Variants in DKK2 observed in about 807,000 individuals in gnomAD.
The protein encoded by DKK2 is dickkopf Wnt signaling pathway inhibitor 2.
In DKK2, 11 loss-of-function variants were observed where a neutral mutation model predicts 28.1. The ratio of observed to expected loss-of-function variants is 0.39; its 90% CI spans 0.25 to 0.65. DKK2 has a LOEUF of 0.65. DKK2 is among the 30% of genes least tolerant of loss of function. DKK2 has a pLI of 0.47. For synonymous variants in DKK2, 135 were observed against 126.5 expected (o/e 1.07, Z -0.45); for missense variants, 326 against 335.5 (o/e 0.97, Z 0.22).
chr4:106,958,122 T>G (rs1722628159), intron 1 of DKK2, among the ~76,000 whole-genome samples: 2 of 150,432 alleles, frequency 1.3e-5, no homozygotes, highest in African/African-American at 4.8e-5. Context: ...TGATAATATA[T>G]TTTAAAAGTA....
Position 106,938,283 on chromosome 4 carries a change from G to T in DKK2, c.223-12334C>A, listed in dbSNP as rs182531026. Among the ~76,000 whole-genome samples, 659 of 151,758 alleles carry T rather than the reference G, an allele frequency of 4.3e-3. 5 individuals carry two copies. Among genetic ancestry groups the T allele is most frequent in the African/African-American group, 0.015 (635 of 41,328 alleles). On this transcript the variant is annotated intron_variant, in intron 1 of 3. Transcript: ENST00000285311. ...TAGATGCAATAAAAAATGATAAAGG[G>T]GATATCACCACCGATCCAACAGAAA...
At chr4:106,937,184 G>C (rs1191259452) in intron 1 of DKK2, among the ~76,000 whole-genome samples, 1 of 149,148 alleles carries the variant, frequency 6.7e-6, no homozygotes, top group African/African-American at 2.5e-5. Flanking sequence ...ATTGGATAAA[G>C]AGTCAAAACC....
chr4:106,985,378 T>C (rs1723100904), intron 1 of DKK2, among the ~76,000 whole-genome samples: 2 of 152,154 alleles, frequency 1.3e-5, no homozygotes, highest in South Asian at 2.1e-4. Context: ...GTCAGTATCC[T>C]GGTTTTGATA....
Position 106,924,673 on chromosome 4 carries a change from A to G in DKK2, c.401T>C (p.Ile134Thr). 6.2e-7 allele frequency: 1 copy of G among 1,613,664 alleles called. No individual in the cohort carries two copies. Among genetic ancestry groups the G allele is most frequent in the Non-Finnish European group, 8.5e-7 (1 of 1,179,774 alleles). ...CAGAGCCGGGATGTGAGGGGTTAAG[A>G]TGCTTTCAGTAACTGGGATACAGAT... ...NGICIPVTES[I>T]LTPHIPALDG... is the part of the protein sequence containing the mutation. The change falls in exon 3 of 4, where the codon ATC becomes ACC. Residue 134 changes from isoleucine (I) to threonine (T), a missense_variant. Physicochemically the swap from Ile to Thr is moderately conservative, Grantham distance 89 (BLOSUM62 -1). Transcript: ENST00000285311.
chr4:107,020,261 T>C (rs1055082346), intron 1 of DKK2, among the ~76,000 whole-genome samples: 3 of 152,048 alleles, frequency 2.0e-5, no homozygotes, highest in Admixed American at 2.0e-4. Context: ...ACAATGAGAA[T>C]TTTTAAAAAG....
intron 1 of DKK2, among the ~76,000 whole-genome samples, chr4:106,996,736 T>G (rs376065332): frequency 1.6e-4 from 24 of 152,220 alleles, no homozygotes; most frequent in African/African-American, 5.1e-4. Flanking sequence ...AACCAGTAGA[T>G]TTATTTCCTG....
chr4:106,953,419 G>C (rs1722527229), intron 1 of DKK2, among the ~76,000 whole-genome samples: 1 of 152,076 alleles, frequency 6.6e-6, no homozygotes, highest in Non-Finnish European at 1.5e-5. Flanking sequence ...TACCTTCCCA[G>C]CAGTTCTGCT....
At chr4:106,930,625 T>C (rs1456012073) in intron 1 of DKK2, among the ~76,000 whole-genome samples, 1 of 152,228 alleles carries the variant, frequency 6.6e-6, no homozygotes, top group Non-Finnish European at 1.5e-5. Flanking sequence ...CCATCTGGAT[T>C]CTTGCAAGAC....
Position 107,035,748 on chromosome 4 carries a change from A to G in DKK2, c.-157T>C, listed in dbSNP as rs3733635. The G allele has an allele frequency of 0.099, 67,752 of 687,612 alleles. 4,114 individuals carry two copies. Among genetic ancestry groups the G allele is most frequent in the East Asian group, 0.18 (6,721 of 36,760 alleles). 42.6% of individuals were successfully genotyped at this position (687,612 alleles called of 1,614,324 possible). The stretch of plus-strand genomic sequence containing the variant: ...TGGTTCGGGGACCCAGGACCCTATG[A>G]ACTCAGTCTCACGCCTCAGGACAGA... On this transcript the variant is annotated 5_prime_UTR_variant, in exon 1 of 4. Transcript: ENST00000285311.
rs753785515 is a variant in DKK2, at chr4:106,924,535, A to C, written c.529+10T>G. On this transcript the variant is annotated intron_variant, in intron 3 of 3. Coordinates refer to ENST00000285311, the MANE Select transcript of DKK2 (RefSeq NM_014421.3). ...TTTTAAAAAAACCCCAGAACTACAG[A>C]TATCCCTACCTTTTATATGTGACAT... The C allele has an allele frequency of 1.2e-6, 2 of 1,611,900 alleles. No homozygotes were observed. Among genetic ancestry groups the C allele is most frequent in the Non-Finnish European group, 8.5e-7 (1 of 1,178,922 alleles).
intron 1 of DKK2, among the ~76,000 whole-genome samples, chr4:107,025,696 C>G (rs1405194042): frequency 1.3e-5 from 2 of 152,132 alleles, no homozygotes; most frequent in African/African-American, 2.4e-5. Context: ...AGTATCAGGA[C>G]TGAAAAAGTG....
chr4:106,952,178 G>T (rs1030915384), intron 1 of DKK2, among the ~76,000 whole-genome samples: 1 of 152,112 alleles, frequency 6.6e-6, no homozygotes, highest in Non-Finnish European at 1.5e-5. Context: ...TTGCTAAGCT[G>T]TTCTTTCCTA....
intron 1 of DKK2, among the ~76,000 whole-genome samples, chr4:106,962,534 T>TGTGTGA (rs1185311283): frequency 7.8e-6 from 1 of 128,528 alleles, no homozygotes; most frequent in East Asian, 2.1e-4. Context: ...TGTGTGTGTG[T>TGTGTGA]GTGTGTGTGT....
At chr4:106,933,228 C>T (rs1163385680) in intron 1 of DKK2, among the ~76,000 whole-genome samples, 1 of 152,170 alleles carries the variant, frequency 6.6e-6, no homozygotes, top group African/African-American at 2.4e-5. Flanking sequence ...CTGATGCCTC[C>T]TGCATATATA....
intron 1 of DKK2, among the ~76,000 whole-genome samples, chr4:107,019,617 T>C (rs1296466914): frequency 3.3e-5 from 5 of 152,082 alleles, no homozygotes; most frequent in Non-Finnish European, 7.4e-5. Flanking sequence ...TAGAGTAGTA[T>C]ACTGATACCA....
intron 1 of DKK2, among the ~76,000 whole-genome samples, chr4:106,971,632 T>C (rs1722869558): frequency 6.6e-6 from 1 of 152,150 alleles, no homozygotes; most frequent in South Asian, 2.1e-4. Flanking sequence ...TACTTATTTC[T>C]ACTGTCTTCC....
At chr4:106,955,771 G>A (rs1220292536) in intron 1 of DKK2, among the ~76,000 whole-genome samples, 1 of 151,836 alleles carries the variant, frequency 6.6e-6, no homozygotes, top group African/African-American at 2.4e-5. Context: ...TATTTTACCA[G>A]AATACTGATA....
chr4:106,939,337 A>G (rs932127506), intron 1 of DKK2, among the ~76,000 whole-genome samples: 1 of 152,256 alleles, frequency 6.6e-6, no homozygotes. Flanking sequence ...GAGCCAAATC[A>G]TGAGTGAACT....
At chr4:107,026,398 T>A (rs1325501441) in intron 1 of DKK2, among the ~76,000 whole-genome samples, 2 of 152,294 alleles carry the variant, frequency 1.3e-5, no homozygotes, top group South Asian at 2.1e-4. Context: ...GATATAAAGA[T>A]AAATATATAC....
Sources: gnomAD v4.1 joint callset for allele counts (sites outside exome capture counted in the v4.1 genomes callset) on GRCh38, gnomAD v4.1.1 for gene constraint, MANE v1.5 for transcripts, NCBI Gene and HGNC (gene_info 2026-07-23, HGNC 2026-07-21) for gene names.